The following HORMAD2 variants were observed in gnomAD, a reference collection of about 807,000 sequenced individuals.
HORMAD2 encodes the protein HORMA domain-containing protein 2.
In HORMAD2, 45 loss-of-function variants were observed where a neutral mutation model predicts 38.8. That is an observed-to-expected ratio of 1.16 (90% CI 0.91 to 1.49). HORMAD2 has a LOEUF of 1.49. Ranked by LOEUF, HORMAD2 falls within the 40% of genes most tolerant of loss-of-function variation. HORMAD2 has a pLI of 0.00. For synonymous variants in HORMAD2, 126 were observed against 122.8 expected (o/e 1.03, Z -0.17); for missense variants, 338 against 367.0 (o/e 0.92, Z 0.65).
the HORMAD2 span, chr22:30,207,023 G>C: frequency 2.1e-6 from 1 of 466,920 alleles, no homozygotes; most frequent in East Asian, 7.1e-5. Context: ...GCCTCCACCC[G>C]TCCCCTCGTG....
At chr22:30,111,401 C>T (rs971304550) in intron 5 of HORMAD2, among the ~76,000 whole-genome samples, 4 of 151,938 alleles carry the variant, frequency 2.6e-5, no homozygotes, top group Non-Finnish European at 5.9e-5. Flanking sequence ...CAGGGGAATC[C>T]CTTGAACCTG....
At chr22:30,200,901 C>G in the HORMAD2 span, among the ~76,000 whole-genome samples, 2 of 152,176 alleles carry the variant, frequency 1.3e-5, no homozygotes, top group South Asian at 2.1e-4. Context: ...AGGTGCCCAC[C>G]ACCATGCCCG....
intron 10 of HORMAD2, among the ~76,000 whole-genome samples, chr22:30,169,874 A>G (rs1470558519): frequency 6.6e-6 from 1 of 152,188 alleles, no homozygotes; most frequent in Non-Finnish European, 1.5e-5. Context: ...TTACTGTACC[A>G]ACATATCAAG....
the HORMAD2 span, among the ~76,000 whole-genome samples, chr22:30,203,251 T>G: frequency 6.6e-6 from 1 of 151,810 alleles, no homozygotes; most frequent in East Asian, 1.9e-4. Flanking sequence ...AAAAATTAGC[T>G]GGGAGTGGCG....
chr22:30,171,274 C>T (rs1926093195), intron 10 of HORMAD2, among the ~76,000 whole-genome samples: 1 of 152,188 alleles, frequency 6.6e-6, no homozygotes, highest in South Asian at 2.1e-4. Flanking sequence ...GAATTTCAGA[C>T]TTCCACAGAT....
chr22:30,105,544 G>A (rs1921125018), intron 5 of HORMAD2: 2 of 152,240 alleles, frequency 1.3e-5, no homozygotes, highest in Non-Finnish European at 2.9e-5. Context: ...AGGTCAGGAA[G>A]CCTTACACTG....
At chr22:30,184,237 C>T in the HORMAD2 span, among the ~76,000 whole-genome samples, 1 of 152,136 alleles carries the variant, frequency 6.6e-6, no homozygotes, top group Non-Finnish European at 1.5e-5. Flanking sequence ...GAATTAATTA[C>T]ATTACATGTT....
At chr22:30,093,861 G>A (rs1481417318) in intron 1 of HORMAD2, 55 bp from the exon 2 acceptor site, 97 of 843,288 alleles carry the variant, frequency 1.2e-4, no homozygotes, top group Non-Finnish European at 1.6e-4. Context: ...GGCAGAGTAA[G>A]AGAGGAAGCA....
At chr22:30,087,005 G>C (rs567966024) in intron 1 of HORMAD2, among the ~76,000 whole-genome samples, 4 of 152,298 alleles carry the variant, frequency 2.6e-5, no homozygotes, top group African/African-American at 7.2e-5. Flanking sequence ...TGTTGGTCAA[G>C]CATGTGCCAC....
the HORMAD2 span, among the ~76,000 whole-genome samples, chr22:30,195,925 A>T: frequency 2.0e-5 from 3 of 152,196 alleles, no homozygotes; most frequent in African/African-American, 7.2e-5. Context: ...TGAGCCTTGT[A>T]CTTACAAAGT....
At chr22:30,085,911 T>G (rs192129699) in intron 1 of HORMAD2, among the ~76,000 whole-genome samples, 2 of 152,172 alleles carry the variant, frequency 1.3e-5, no homozygotes, top group Non-Finnish European at 1.5e-5. Flanking sequence ...AACCCAGACT[T>G]CGTAATAGTG....
At chr22:30,162,278 C>T (rs1218018940) in intron 10 of HORMAD2, among the ~76,000 whole-genome samples, 1 of 151,816 alleles carries the variant, frequency 6.6e-6, no homozygotes, top group African/African-American at 2.4e-5. Context: ...GGCACCACTG[C>T]ACCCCAGCCT....
At chr22:30,151,049 T>C (rs976833535) in intron 10 of HORMAD2, among the ~76,000 whole-genome samples, 13 of 152,194 alleles carry the variant, frequency 8.5e-5, no homozygotes, top group African/African-American at 3.1e-4. Context: ...CTATCTCCTC[T>C]TCCAAAAGTA....
the HORMAD2 span, among the ~76,000 whole-genome samples, chr22:30,183,591 A>G: frequency 6.6e-6 from 1 of 152,362 alleles, no homozygotes; most frequent in Non-Finnish European, 1.5e-5. Flanking sequence ...TCAATTTCTG[A>G]TAAGATATCT....
chr22:30,184,283 C>T, the HORMAD2 span, among the ~76,000 whole-genome samples: 1 of 152,134 alleles, frequency 6.6e-6, no homozygotes. Flanking sequence ...GACTCTCTAG[C>T]TGAAATAGTA....
At chr22:30,195,187 C>G in the HORMAD2 span, among the ~76,000 whole-genome samples, 1 of 119,540 alleles carries the variant, frequency 8.4e-6, no homozygotes, top group African/African-American at 3.3e-5. Context: ...AGCGAGACTC[C>G]GTCTCAAAAA....
chr22:30,101,208 A>G (rs1439749409), intron 3 of HORMAD2, among the ~76,000 whole-genome samples: 3 of 152,206 alleles, frequency 2.0e-5, no homozygotes, highest in Admixed American at 2.0e-4. Context: ...GATAGACTGG[A>G]TAAAGAAAAT....
At chr22:30,136,527 T>A (rs930263661) in intron 10 of HORMAD2, 1 of 152,200 alleles carries the variant, frequency 6.6e-6, no homozygotes, top group African/African-American at 2.4e-5. Context: ...ATTCGCCTAT[T>A]ATGATATATT....
chr22:30,168,534 C>G (rs866171996), intron 10 of HORMAD2, among the ~76,000 whole-genome samples: 2 of 152,166 alleles, frequency 1.3e-5, no homozygotes, highest in Non-Finnish European at 2.9e-5. Context: ...CATCCATCCT[C>G]CCTACCATGT....
Sources: gnomAD v4.1 joint callset for allele counts (sites outside exome capture counted in the v4.1 genomes callset) on GRCh38, gnomAD v4.1.1 for gene constraint, MANE v1.5 for transcripts, NCBI Gene and HGNC (gene_info 2026-07-23, HGNC 2026-07-21) for gene names.